DERA: variants seen among roughly 807,000 people sequenced by gnomAD.
DERA encodes 2-deoxy-D-ribose 5-phosphate aldolase.
A neutral mutation model predicts 41.1 loss-of-function variants in DERA; 15 were observed. The ratio of observed to expected loss-of-function variants is 0.37; its 90% CI spans 0.24 to 0.56. DERA has a LOEUF of 0.56. Ranked by LOEUF, DERA falls within the 20% of genes least tolerant of loss-of-function variation. The pLI is 0.81. For missense variants in DERA, 396 were observed against 403.4 expected, an observed-to-expected ratio of 0.98 and a Z score of 0.16; for synonymous variants, 139 against 137.4, an observed-to-expected ratio of 1.01 and a Z score of -0.08.
intron 4 of DERA, among the ~76,000 whole-genome samples, chr12:15,960,545 G>C (rs1178806814): frequency 7.1e-6 from 1 of 140,478 alleles, no homozygotes; most frequent in African/African-American, 2.6e-5. Context: ...GCTGAGGCTG[G>C]AGAATCGTTT....
At position 16,026,992 on chromosome 12, in the gene DERA, G is replaced by A. The variant is rs1378443856; in HGVS notation, c.638-5550G>A. ...AGTGTGATTTATTCCAGGTATGCAA[G>A]TCTGGTTCAACATAATGTAATCCAT... is the stretch of plus-strand genomic sequence containing the variant. On this transcript the variant is annotated intron_variant, in intron 6 of 8. Coordinates refer to ENST00000428559, the MANE Select transcript of DERA (RefSeq NM_015954.4). The surrounding 1 kb of genome is among the most constrained non-coding windows in gnomAD (Gnocchi z 4.4). Among the ~76,000 whole-genome samples, 1 of 152,136 alleles carries A rather than the reference G, an allele frequency of 6.6e-6. No individual in the cohort carries two copies. The highest frequency in any genetic ancestry group is 1.5e-5 in the Non-Finnish European group (1 of 68,020).
chr12:16,032,762 C>A, intron 7 of DERA, 108 bp downstream of exon 7: 2 of 715,864 alleles, frequency 2.8e-6, no homozygotes, highest in Non-Finnish European at 2.4e-6. Flanking sequence ...GAATGAATTA[C>A]CTTTATTAAG....
intron 6 of DERA, among the ~76,000 whole-genome samples, chr12:15,991,234 G>T (rs1300972685): frequency 1.3e-5 from 2 of 152,064 alleles, no homozygotes; most frequent in African/African-American, 4.8e-5. Context: ...TCTCATGATT[G>T]TTGGCCACAT....
At position 16,011,478 on chromosome 12, in the gene DERA, G is replaced by C. The variant is rs1051498278; in HGVS notation, c.638-21064G>C. On this transcript the variant is annotated intron_variant, in intron 6 of 8. Transcript: ENST00000428559. This position sits in a 1 kb window ranked among gnomAD's most constrained non-coding sequence, Gnocchi z 4.7. ...TTCTTTTGAGTATTGTATCAACGGA[G>C]TTTCGATTTTGGAGCATTTCAGACG... Among the ~76,000 whole-genome samples the C allele has an allele frequency of 8.5e-5, 13 of 152,138 alleles. No individual in the cohort carries two copies. Among genetic ancestry groups the C allele is most frequent in the African/African-American group, 2.7e-4 (11 of 41,436 alleles).
chr12:15,997,142 G>T (rs1426401267), intron 6 of DERA, among the ~76,000 whole-genome samples: 1 of 152,136 alleles, frequency 6.6e-6, no homozygotes, highest in Non-Finnish European at 1.5e-5. Context: ...AAGACAGAGT[G>T]AGTAATACTA....
At position 15,954,848 on chromosome 12, in the gene DERA, A is replaced by G. The variant is rs1302488318; in HGVS notation, c.32-2088A>G. ...GGACAGCCTGTCAAAGCCTTGCCCCACTGAGTAATAGGCCTACCTCTTTTT... is the reference window on the plus strand; with the variant it reads ...GGACAGCCTGTCAAAGCCTTGCCCCGCTGAGTAATAGGCCTACCTCTTTTT... On this transcript the variant is annotated intron_variant, in intron 1 of 8. Coordinates refer to ENST00000428559, the MANE Select transcript of DERA (RefSeq NM_015954.4). The surrounding 1 kb of genome is among the most constrained non-coding windows in gnomAD (Gnocchi z 4.0). Among the ~76,000 whole-genome samples, 1 of 152,200 alleles carries G rather than the reference A, an allele frequency of 6.6e-6. No homozygotes were observed. Among genetic ancestry groups the G allele is most frequent in the Non-Finnish European group, 1.5e-5 (1 of 68,028 alleles).
chr12:15,912,811 G>T (rs932081910), intron 1 of DERA, among the ~76,000 whole-genome samples: 1 of 152,188 alleles, frequency 6.6e-6, no homozygotes, highest in Non-Finnish European at 1.5e-5. Flanking sequence ...TCCAAGAGGT[G>T]TTCTGGATTT....
chr12:15,917,157 G>A (rs1027103312), intron 1 of DERA, among the ~76,000 whole-genome samples: 1 of 152,048 alleles, frequency 6.6e-6, no homozygotes, highest in Admixed American at 6.5e-5. Context: ...TTGAGATAGA[G>A]GCCTTTAAAT....
In DERA at chr12:15,967,161, G is replaced by A. The variant is rs1183751929; in HGVS notation, c.508+4214G>A. ...GCCCAGGAGTTCAAGACCAGTCTGG[G>A]CAACATGGCAAAACCCCATCTCTGC... On this transcript the variant is annotated intron_variant, in intron 5 of 8. Transcript: ENST00000428559. This position sits in a 1 kb window ranked among gnomAD's most constrained non-coding sequence, Gnocchi z 4.9. 6.6e-6 allele frequency among the ~76,000 whole-genome samples: 1 copy of A among 151,888 alleles called. No individual in the cohort carries two copies. Among genetic ancestry groups the A allele is most frequent in the East Asian group, 1.9e-4 (1 of 5,164 alleles).
chr12:15,912,112 T>A (rs7962494), intron 1 of DERA, among the ~76,000 whole-genome samples: 13,192 of 151,638 alleles, frequency 0.087, 1,909 homozygotes, highest in African/African-American at 0.3. Context: ...GAAGGTCAGC[T>A]GATAAACAAG....
intron 6 of DERA, among the ~76,000 whole-genome samples, chr12:16,029,394 T>C (rs1445534813): frequency 6.6e-6 from 1 of 151,930 alleles, no homozygotes; most frequent in Non-Finnish European, 1.5e-5. Context: ...GCCACTGCAC[T>C]CCAGCCTGGG....
chr12:15,911,825 G>T lies in DERA; in HGVS notation c.31+411G>T. On this transcript the variant is annotated intron_variant, in intron 1 of 8. Coordinates refer to ENST00000428559, the MANE Select transcript of DERA (RefSeq NM_015954.4). This position sits in a 1 kb window ranked among gnomAD's most constrained non-coding sequence, Gnocchi z 4.5. ...TTGTGTAATTTAATGCAGTATTTCC[G>T]TAGATAATTTTAACCGTAACCTTGA... 2.1e-6 allele frequency: 1 copy of T among 470,334 alleles called. No individual in the cohort carries two copies. Among genetic ancestry groups the T allele is most frequent in the Admixed American group, 2.4e-5 (1 of 42,132 alleles). 29.1% of individuals were successfully genotyped at this position (470,334 alleles called of 1,614,324 possible).
Position 15,941,796 on chromosome 12 carries a change from G to A in DERA, c.32-15140G>A, listed in dbSNP as rs989134049. 2.0e-5 allele frequency among the ~76,000 whole-genome samples: 3 copies of A among 152,082 alleles called. No individual in the cohort carries two copies. Among genetic ancestry groups the A allele is most frequent in the African/African-American group, 4.8e-5 (2 of 41,394 alleles). ...ATTCATGGGCACTTAGGTTGATTCC[G>A]TATCTTTGCATTTGCAAAATGTGCT... On this transcript the variant is annotated intron_variant, in intron 1 of 8. Transcript: ENST00000428559. This position sits in a 1 kb window ranked among gnomAD's most constrained non-coding sequence, Gnocchi z 4.5.
At chr12:16,007,024 C>T (rs1310174579) in intron 6 of DERA, among the ~76,000 whole-genome samples, 1 of 152,034 alleles carries the variant, frequency 6.6e-6, no homozygotes. Flanking sequence ...AACAGTACCT[C>T]GCCGATAGTA....
intron 1 of DERA, 118 bp from the exon 2 acceptor site, chr12:15,956,818 G>A: frequency 1.2e-6 from 1 of 812,074 alleles, no homozygotes; most frequent in South Asian, 1.4e-5. Context: ...AGAAATATAA[G>A]CTTTAAAAAA....
intron 6 of DERA, among the ~76,000 whole-genome samples, chr12:16,007,908 T>G (rs1480302669): frequency 6.6e-6 from 1 of 152,188 alleles, no homozygotes; most frequent in African/African-American, 2.4e-5. Context: ...TGGAGTGCAG[T>G]GGCATAGTCT....
Position 15,924,609 on chromosome 12 carries a change from C to A in DERA, c.31+13195C>A, listed in dbSNP as rs1948268695. Among the ~76,000 whole-genome samples, 1 of 152,058 alleles carries A rather than the reference C, an allele frequency of 6.6e-6. No individual in the cohort carries two copies. Among genetic ancestry groups the A allele is most frequent in the Non-Finnish European group, 1.5e-5 (1 of 68,020 alleles). ...GCTGTTTCCTTATCTGTAAAATGGA[C>A]CTAATGGCTACCTGGTAGAGTTAGT... On this transcript the variant is annotated intron_variant, in intron 1 of 8. Transcript: ENST00000428559. This position sits in a 1 kb window ranked among gnomAD's most constrained non-coding sequence, Gnocchi z 5.0.
rs552146141 is a variant in DERA, at chr12:15,935,139, T to C, written c.32-21797T>C. Among the ~76,000 whole-genome samples the C allele has an allele frequency of 6.6e-6, 1 of 152,278 alleles. No homozygotes were observed. The highest frequency in any genetic ancestry group is 2.1e-4 in the South Asian group (1 of 4,832). ...AAAATATACTAGTTTTCTAAATAAA[T>C]TGAGCTGAATTTAAATACATGGACA... On this transcript the variant is annotated intron_variant, in intron 1 of 8. Transcript: ENST00000428559. This position sits in a 1 kb window ranked among gnomAD's most constrained non-coding sequence, Gnocchi z 4.8.
At position 15,944,036 on chromosome 12, in the gene DERA, T is replaced by C. The variant is rs151224734; in HGVS notation, c.32-12900T>C. Among the ~76,000 whole-genome samples, 536 of 152,148 alleles carry C rather than the reference T, an allele frequency of 3.5e-3. 23 individuals are homozygous for C. The East Asian group carries it at 0.078, about 22-fold the overall frequency. ...GAATGATGGTTTCCAGCTTCATCCATGTCCCTACAAAGGACATGAACTCAT... is the reference window on the plus strand; with the variant it reads ...GAATGATGGTTTCCAGCTTCATCCACGTCCCTACAAAGGACATGAACTCAT... On this transcript the variant is annotated intron_variant, in intron 1 of 8. Coordinates refer to ENST00000428559, the MANE Select transcript of DERA (RefSeq NM_015954.4).
Sources: gnomAD v4.1 joint callset for allele counts (sites outside exome capture counted in the v4.1 genomes callset) on GRCh38, gnomAD v4.1.1 for gene constraint, Gnocchi (gnomAD v3.1) non-coding constraint, MANE v1.5 for transcripts, NCBI Gene and HGNC (gene_info 2026-07-23, HGNC 2026-07-21) for gene names.